EVPL: variants seen among roughly 807,000 people sequenced by gnomAD.
EVPL encodes the protein envoplakin, also known as 210 kDa cornified envelope precursor protein.
A neutral mutation model predicts 129.7 loss-of-function variants in EVPL; 94 were observed. That is an observed-to-expected ratio of 0.72 (90% CI 0.61 to 0.86). The LOEUF is 0.86. EVPL is among the 40% of genes least tolerant of loss of function. EVPL has a pLI of 0.00. For missense variants in EVPL, 2,625 were observed against 2,721.1 expected, an observed-to-expected ratio of 0.96 and a Z score of 0.79; for synonymous variants, 1,172 against 1,191.1, an observed-to-expected ratio of 0.98 and a Z score of 0.33.
In EVPL at chr17:76,023,000, C is replaced by G. The variant is rs565276704; in HGVS notation, c.480+292G>C. ...CTGCCCAGAAATCCCCACTTCCCGTCGAAGCCCAGGCTTCCTCCTGGCAGG... is the reference window on the plus strand; with the variant it reads ...CTGCCCAGAAATCCCCACTTCCCGTGGAAGCCCAGGCTTCCTCCTGGCAGG... On this transcript the variant is annotated intron_variant, in intron 4 of 21. Transcript: ENST00000301607. The surrounding 1 kb of genome is among the most constrained non-coding windows in gnomAD (Gnocchi z 5.6). 3.9e-5 allele frequency among the ~76,000 whole-genome samples: 6 copies of G among 152,144 alleles called. No homozygotes were observed. Among genetic ancestry groups the G allele is most frequent in the African/African-American group, 1.4e-4 (6 of 41,422 alleles).
In EVPL at chr17:76,017,797, G is replaced by A. The variant is rs2066428006; in HGVS notation, c.1652C>T (p.Ala551Val). The change falls in exon 14 of 22, where the codon GCC becomes GTC. Residue 551 changes from alanine (A) to valine (V), a missense_variant. Physicochemically the swap from Ala to Val is moderately conservative, Grantham distance 64 (BLOSUM62 0). Transcript: ENST00000301607. ...CAAGGGTGTGGGGCGGCTCAGCGGG[G>A]CCCGCGCCCAGGCCAGCACCTGCCT... ...IERQVLAWAR[A>V]PLSRPTPLED... The A allele has an allele frequency of 6.2e-7, 1 of 1,613,264 alleles. No individual in the cohort carries two copies. Among genetic ancestry groups the A allele is most frequent in the Non-Finnish European group, 8.5e-7 (1 of 1,180,020 alleles).
intron 16 of EVPL, 35 bp downstream of exon 16, chr17:76,015,192 C>G: frequency 6.4e-7 from 1 of 1,564,112 alleles, no homozygotes; most frequent in Non-Finnish European, 8.7e-7. Flanking sequence ...ATGCTGGGTT[C>G]CCCTGACACC....
rs752788636 is a variant in EVPL, at chr17:76,007,320, C to T, written c.5885G>A (p.Gly1962Glu). 4.5e-6 allele frequency: 7 copies of T among 1,561,252 alleles called. No homozygotes were observed. Among genetic ancestry groups the T allele is most frequent in the South Asian group, 1.2e-5 (1 of 84,674 alleles). ...RIPIQQALLS[G>E]MISEELAQLL... ...CTGGGCCAGCTCTTCACTGATCATCCCGGAGAGGAGGGCCTGCTGGATGGG... is the reference window on the plus strand; with the variant it reads ...CTGGGCCAGCTCTTCACTGATCATCTCGGAGAGGAGGGCCTGCTGGATGGG... The change falls in exon 22 of 22, where the codon GGG becomes GAG. Residue 1962 changes from glycine to glutamate, a missense_variant. By Grantham distance (98) the Gly-to-Glu change is moderately conservative (BLOSUM62 -2). Coordinates refer to ENST00000301607, the MANE Select transcript of EVPL (RefSeq NM_001988.4). The surrounding 1 kb of genome is among the most constrained non-coding windows in gnomAD (Gnocchi z 8.8).
In EVPL at chr17:76,012,961, GT is replaced by G. The variant is rs576801687; in HGVS notation, c.2374-873del. ...GGGTTTCACCGTGTTAGCCAGGATGGTCTCGATCTCCTGACCTTGTGATCCG... is the reference window on the plus strand; with the variant it reads ...GGGTTTCACCGTGTTAGCCAGGATGGCTCGATCTCCTGACCTTGTGATCCG... On this transcript the variant is annotated intron_variant, in intron 18 of 21. Transcript: ENST00000301607. Among the ~76,000 whole-genome samples, 9 of 151,716 alleles carry G rather than the reference GT, an allele frequency of 5.9e-5. No individual in the cohort carries two copies. The South Asian group carries it at 1.3e-3, about 21-fold the overall frequency.
chr17:76,024,968 CAGG>C lies in EVPL; in HGVS notation c.99-851_99-849del, dbSNP rs556588122. Among the ~76,000 whole-genome samples the C allele has an allele frequency of 1.8e-3, 272 of 152,326 alleles. No individual in the cohort carries two copies. The highest frequency in any genetic ancestry group is 2.8e-3 in the Admixed American group (43 of 15,300). ...CTTATGGGGGATCATTATGCTGGGG[CAGG>C]AGAAGCCTTGAACTGGGTCAAAGGA... On this transcript the variant is annotated intron_variant, in intron 1 of 21. Coordinates refer to ENST00000301607, the MANE Select transcript of EVPL (RefSeq NM_001988.4). The surrounding 1 kb of genome is among the most constrained non-coding windows in gnomAD (Gnocchi z 4.5).
intron 18 of EVPL, 135 bp downstream of exon 18, chr17:76,014,291 A>G: frequency 8.1e-7 from 1 of 1,236,696 alleles, no homozygotes; most frequent in Non-Finnish European, 1.1e-6. Flanking sequence ...GGCAAAGAGG[A>G]GCATTTCAGC....
rs1395979207 is a variant in EVPL, at chr17:76,009,748, A to C, written c.3457T>G (p.Ser1153Ala). 6.2e-7 allele frequency: 1 copy of C among 1,613,458 alleles called. No individual in the cohort carries two copies. Among genetic ancestry groups the C allele is most frequent in the Non-Finnish European group, 8.5e-7 (1 of 1,179,984 alleles). The change falls in exon 22 of 22, where the codon TCC becomes GCC. Residue 1153 changes from serine (S) to alanine (A), a missense_variant. Physicochemically the swap from Ser to Ala is moderately conservative, Grantham distance 99. Transcript: ENST00000301607. The surrounding 1 kb of genome is among the most constrained non-coding windows in gnomAD (Gnocchi z 5.9). ...TCCTCGAGGAGGCTCCTCAGCCTGG[A>C]GGACTCCTGGAGGAGCCCTGGGTCC... is the stretch of plus-strand genomic sequence containing the variant. ...EQDPGLLQES[S>A]RLRSLLEEER...
rs1177826287 is a variant in EVPL, at chr17:76,022,526, C to T, written c.493G>A (p.Ala165Thr). Residue 165 changes from alanine to threonine, a missense_variant, in exon 5 of 22, where the codon GCA becomes ACA. Transcript: ENST00000301607. The surrounding 1 kb of genome is among the most constrained non-coding windows in gnomAD (Gnocchi z 5.6). ...GCCATGCCCGGCCCGTACTGGCCTG[C>T]GCAGACCTGCTTCTGCAGGAGAGCC... ...VLEQKQKQVC[A>T]GQYGPGMAEL... 6 of 1,606,714 alleles carry T rather than the reference C, an allele frequency of 3.7e-6. No homozygotes were observed. The highest frequency in any genetic ancestry group is 1.6e-4 in the Middle Eastern group (1 of 6,074).
Position 76,011,618 on chromosome 17 carries a change from C to G in EVPL, c.2619G>C (p.Gln873His), listed in dbSNP as rs766295763. 1.2e-6 allele frequency: 2 copies of G among 1,614,202 alleles called. No homozygotes were observed. The highest frequency in any genetic ancestry group is 1.7e-6 in the Non-Finnish European group (2 of 1,180,008). Reference protein sequence around the residue: ...AYTEVAAAQQQLLQQLEFARK... With the variant: ...AYTEVAAAQQHLLQQLEFARK... ...TAGCAAACTCCAGCTGCTGGAGCAG[C>G]TGCTGCTGTGCTGCTGCAACCTCAG... Residue 873 changes from glutamine (Q) to histidine (H), a missense_variant, in exon 21 of 22, where the codon CAG (glutamine) becomes CAC (histidine). By Grantham distance (24) the Gln-to-His change is conservative. Transcript: ENST00000301607.
intron 20 of EVPL, 36 bp from the exon 21 acceptor site, chr17:76,011,704 C>G (rs1309799662): frequency 1.2e-6 from 2 of 1,612,630 alleles, no homozygotes; most frequent in East Asian, 2.2e-5. Flanking sequence ...AGGGCAGAGT[C>G]AGCTCCTGCC....
In EVPL at chr17:76,023,702, C is replaced by A. The variant is rs964890971; in HGVS notation, c.199-48G>T. The stretch of plus-strand genomic sequence containing the variant: ...CTGGCCAGGGCCCAGAGCCCCCACA[C>A]CCCTGCTGCCCATCACTGTGGGCCT... On this transcript the variant is annotated intron_variant, in intron 2 of 21. Coordinates refer to ENST00000301607, the MANE Select transcript of EVPL (RefSeq NM_001988.4). 6.7e-6 allele frequency: 10 copies of A among 1,486,282 alleles called. No homozygotes were observed. The African/African-American group carries it at 9.8e-5, about 15-fold the overall frequency. 92.1% of individuals were successfully genotyped at this position (1,486,282 alleles called of 1,614,324 possible). A position where few individuals can be genotyped will look rare whatever the true frequency, so the allele number is the denominator to read the frequency against.
intron 18 of EVPL, chr17:76,012,331 A>C (rs1354111840): frequency 1.6e-5 from 7 of 440,652 alleles, no homozygotes; most frequent in East Asian, 3.9e-5. Flanking sequence ...TTTTGAGACC[A>C]AGTCTCACTC....
chr17:76,014,083 T>C (rs1046726365), intron 18 of EVPL, among the ~76,000 whole-genome samples: 1 of 152,134 alleles, frequency 6.6e-6, no homozygotes, highest in African/African-American at 2.4e-5. Flanking sequence ...CCAATGCTTG[T>C]CGGCATCACA....
rs1226220953 is a variant in EVPL at position 76,007,263 on chromosome 17, T to C, written c.5942A>G (p.Asp1981Gly). 1 of 1,566,700 alleles carries C rather than the reference T, an allele frequency of 6.4e-7. No homozygotes were observed. The highest frequency in any genetic ancestry group is 2.3e-5 in the East Asian group (1 of 44,334). Residue 1981 changes from aspartate (D) to glycine (G), a missense_variant, in exon 22 of 22, where the codon GAT becomes GGT. By Grantham distance (94) the Asp-to-Gly change is moderately conservative. Transcript: ENST00000301607. This position sits in a 1 kb window ranked among gnomAD's most constrained non-coding sequence, Gnocchi z 8.8. The part of the protein sequence containing the change: ...LLQDESSYEK[D>G]LTDPISKERL... ...TTCCTTGGAGATGGGGTCTGTCAAA[T>C]CCTTCTCGTAGCTGGACTCGTCCTG...
Position 76,008,162 on chromosome 17 carries a change from G to A in EVPL, c.5043C>T (p.Asn1681=), listed in dbSNP as rs371584664. 2 of 1,614,174 alleles carry A rather than the reference G, an allele frequency of 1.2e-6. No individual in the cohort carries two copies. Among genetic ancestry groups the A allele is most frequent in the East Asian group, 2.2e-5 (1 of 44,880 alleles). Residue 1681 remains asparagine (N), a synonymous_variant, in exon 22 of 22, where the codon AAC becomes AAT. Coordinates refer to ENST00000301607, the MANE Select transcript of EVPL (RefSeq NM_001988.4). This position sits in a 1 kb window ranked among gnomAD's most constrained non-coding sequence, Gnocchi z 7.4. ...CCAGGATGGAGATCTTGGTGGAAAG[G>A]TTGGTCTCTCGCGTCTGGGTCTCCT... The part of the protein sequence containing the change: ...LSQETQTRET[N]LSTKISILEP...
In EVPL at chr17:76,007,529, G is replaced by A. The variant is rs1278326452; in HGVS notation, c.5676C>T (p.Ser1892=). 1 of 1,613,964 alleles carries A rather than the reference G, an allele frequency of 6.2e-7. No individual in the cohort carries two copies. Among genetic ancestry groups the A allele is most frequent in the African/African-American group, 1.3e-5 (1 of 75,056 alleles). Reference sequence around the variant, plus strand: ...TCTGGGCGTTAAGCAGCCTCTGTGTGGAGGTGTTCTCGATCAGGCCCCTCT... The same window carrying A: ...TCTGGGCGTTAAGCAGCCTCTGTGTAGAGGTGTTCTCGATCAGGCCCCTCT... ...AMERGLIENT[S]TQRLLNAQKA... The change falls in exon 22 of 22, where the codon TCC becomes TCT. Residue 1892 remains serine, a synonymous_variant. Transcript: ENST00000301607. This position sits in a 1 kb window ranked among gnomAD's most constrained non-coding sequence, Gnocchi z 8.8.
Position 76,019,068 on chromosome 17 carries a change from G to A in EVPL, c.1138-8C>T, listed in dbSNP as rs568560691. ...CAGCCGTTTTTCCTCTGCCTGCCGG[G>A]GGCCCAGGCAGTGGGGGACTCAGGC... On this transcript the variant is annotated splice_region_variant and splice_polypyrimidine_tract_variant and intron_variant, in intron 10 of 21. Transcript: ENST00000301607. The A allele has an allele frequency of 6.4e-7, 1 of 1,573,634 alleles. No homozygotes were observed. Among genetic ancestry groups the A allele is most frequent in the Non-Finnish European group, 8.6e-7 (1 of 1,168,468 alleles).
intron 13 of EVPL, 62 bp downstream of exon 13, chr17:76,018,099 C>T (rs747277392): frequency 4.5e-5 from 69 of 1,546,050 alleles, no homozygotes; most frequent in Middle Eastern, 3.3e-4. Context: ...ACAGACCAGT[C>T]GGAAGTCGGA....
At chr17:76,017,962 G>A (rs1403565573) in intron 13 of EVPL, 51 bp from the exon 14 acceptor site, 2 of 1,604,136 alleles carry the variant, frequency 1.2e-6, no homozygotes, top group Non-Finnish European at 1.7e-6. Context: ...CAGACTGCCA[G>A]ATAGGTGCCC....
Sources: gnomAD v4.1 joint callset for allele counts (sites outside exome capture counted in the v4.1 genomes callset) on GRCh38, gnomAD v4.1.1 for gene constraint, Gnocchi (gnomAD v3.1) non-coding constraint, MANE v1.5 for transcripts, NCBI Gene and HGNC (gene_info 2026-07-23, HGNC 2026-07-21) for gene names.